Variants in DSCAM observed in about 807,000 individuals in gnomAD.
DSCAM encodes cell adhesion molecule DSCAM.
A neutral mutation model predicts 217.7 loss-of-function variants in DSCAM; 47 were observed. The ratio of observed to expected loss-of-function variants is 0.22; its 90% confidence interval spans 0.17 to 0.28. DSCAM has a LOEUF of 0.28. DSCAM is among the 10% of genes least tolerant of loss of function. The probability of loss-of-function intolerance (pLI) is 1.00; values close to 1 mark genes in which losing one functional copy is unlikely to be tolerated. For synonymous variants in DSCAM, 1,056 were observed against 1,015.3 expected (o/e 1.04, Z -0.76); for missense variants, 2,080 against 2,618.3 (o/e 0.79, Z 4.49).
At chr21:40,122,767 A>G (rs909166038) in intron 20 of DSCAM, among the ~76,000 whole-genome samples, 12 of 152,230 alleles carry the variant, frequency 7.9e-5, no homozygotes, top group Admixed American at 2.0e-4. Flanking sequence ...CCATGAATGC[A>G]TAAGCAGTAG....
intron 15 of DSCAM, among the ~76,000 whole-genome samples, chr21:40,172,849 T>C (rs1015992262): frequency 6.6e-6 from 1 of 152,230 alleles, no homozygotes; most frequent in African/African-American, 2.4e-5. Context: ...TGCATAATTC[T>C]ACAAACACAC....
At chr21:40,020,313 A>T (rs2088239785) in intron 32 of DSCAM, among the ~76,000 whole-genome samples, 1 of 152,120 alleles carries the variant, frequency 6.6e-6, no homozygotes, top group Non-Finnish European at 1.5e-5. Flanking sequence ...CTTCTTTATA[A>T]ATTACCCAGT....
intron 14 of DSCAM, among the ~76,000 whole-genome samples, chr21:40,183,485 A>T (rs1390129437): frequency 6.6e-6 from 1 of 152,178 alleles, no homozygotes; most frequent in Non-Finnish European, 1.5e-5. Flanking sequence ...GGGGCAGGAG[A>T]TGATGACAGG....
At chr21:40,256,991 G>A (rs762051906) in intron 11 of DSCAM, among the ~76,000 whole-genome samples, 7 of 152,180 alleles carry the variant, frequency 4.6e-5, no homozygotes, top group Non-Finnish European at 8.8e-5. Flanking sequence ...GTCCTTTGGT[G>A]ATGTTCATGC....
At chr21:40,387,176 A>G (rs572313524) in intron 3 of DSCAM, among the ~76,000 whole-genome samples, 31 of 152,130 alleles carry the variant, frequency 2.0e-4, no homozygotes, top group Admixed American at 2.0e-3. Context: ...ATAAAGGAAG[A>G]GGGGGGGTGA....
chr21:40,289,048 A>G (rs1458515748), intron 10 of DSCAM, among the ~76,000 whole-genome samples: 1 of 152,236 alleles, frequency 6.6e-6, no homozygotes, highest in African/African-American at 2.4e-5. Context: ...AAACAATAGA[A>G]TTTCATATTT....
At chr21:40,643,175 C>T (rs906634020) in intron 3 of DSCAM, among the ~76,000 whole-genome samples, 2 of 152,174 alleles carry the variant, frequency 1.3e-5, no homozygotes, top group Non-Finnish European at 2.9e-5. Context: ...CTGATGGCTA[C>T]TGCCTGTAAA....
intron 16 of DSCAM, among the ~76,000 whole-genome samples, chr21:40,150,750 T>C (rs1199475238): frequency 6.6e-6 from 1 of 152,190 alleles, no homozygotes; most frequent in Non-Finnish European, 1.5e-5. Flanking sequence ...CATCTTTGCT[T>C]GGAGCATGTG....
chr21:40,670,814 C>T (rs1467052345), intron 3 of DSCAM, among the ~76,000 whole-genome samples: 1 of 152,072 alleles, frequency 6.6e-6, no homozygotes, highest in African/African-American at 2.4e-5. Context: ...CAAACATTTC[C>T]CCAATAATTC....
At position 40,142,723 on chromosome 21, in the gene DSCAM, A is replaced by T. The variant is rs1190443439; in HGVS notation, c.3260-19T>A. ...CTGGGCACTGAAATCAAATAATTAG[A>T]ATCTGTAATAACTGTGGGTGGTTTA... On this transcript the variant is annotated intron_variant, in intron 17 of 32. Transcript: ENST00000400454. 1 of 1,611,476 alleles carries T rather than the reference A, an allele frequency of 6.2e-7. No homozygotes were observed. The highest frequency in any genetic ancestry group is 1.3e-5 in the African/African-American group (1 of 74,624).
At chr21:40,600,014 T>C (rs2077050568) in intron 3 of DSCAM, among the ~76,000 whole-genome samples, 1 of 152,200 alleles carries the variant, frequency 6.6e-6, no homozygotes, top group Non-Finnish European at 1.5e-5. Flanking sequence ...CACAGCTGAA[T>C]TCTACAGAGT....
At chr21:40,460,082 A>C (rs1044122501) in intron 3 of DSCAM, among the ~76,000 whole-genome samples, 3 of 152,168 alleles carry the variant, frequency 2.0e-5, no homozygotes, top group Non-Finnish European at 2.9e-5. Context: ...AACAATGAGA[A>C]CACATGGACA....
intron 3 of DSCAM, among the ~76,000 whole-genome samples, chr21:40,597,270 A>T (rs756768545): frequency 5.4e-4 from 83 of 152,320 alleles, no homozygotes; most frequent in Middle Eastern, 3.4e-3. Flanking sequence ...TTCACAGGGT[A>T]AAGAAAAATA....
At chr21:40,040,628 G>A (rs2088729538) in intron 32 of DSCAM, among the ~76,000 whole-genome samples, 2 of 152,252 alleles carry the variant, frequency 1.3e-5, no homozygotes, top group Admixed American at 6.5e-5. Context: ...TGGAGTCACA[G>A]TGGGGATTCT....
intron 3 of DSCAM, among the ~76,000 whole-genome samples, chr21:40,599,872 C>A (rs376253842): frequency 2.8e-4 from 43 of 152,202 alleles, no homozygotes; most frequent in South Asian, 1.5e-3. Context: ...TGGATAAATT[C>A]CTGGACACAT....
At chr21:40,659,593 G>T in intron 3 of DSCAM, among the ~76,000 whole-genome samples, 1 of 151,578 alleles carries the variant, frequency 6.6e-6, no homozygotes, top group African/African-American at 2.4e-5. Flanking sequence ...TCATCTATCT[G>T]CCTTTCTACC....
intron 10 of DSCAM, among the ~76,000 whole-genome samples, chr21:40,279,269 T>C (rs1018341536): frequency 2.6e-5 from 4 of 152,230 alleles, no homozygotes; most frequent in Admixed American, 2.6e-4. Context: ...AAATAAGTTA[T>C]CAAAATGTAC....
chr21:40,140,569 G>A (rs914961599), intron 18 of DSCAM, among the ~76,000 whole-genome samples: 2 of 152,134 alleles, frequency 1.3e-5, no homozygotes, highest in Admixed American at 1.3e-4. Context: ...AGAACATTAA[G>A]GGTATTTAAT....
At chr21:40,689,991 G>T (rs1351843311) in intron 3 of DSCAM, among the ~76,000 whole-genome samples, 1 of 152,106 alleles carries the variant, frequency 6.6e-6, no homozygotes, top group Non-Finnish European at 1.5e-5. Context: ...GGGAGGGAGG[G>T]TCTTCCTTTT....
Sources: gnomAD v4.1 joint callset for allele counts (sites outside exome capture counted in the v4.1 genomes callset) on GRCh38, gnomAD v4.1.1 for gene constraint, MANE v1.5 for transcripts, NCBI Gene and HGNC (gene_info 2026-07-23, HGNC 2026-07-21) for gene names.